The following GTF2E2 variants were observed in gnomAD, a reference collection of about 807,000 sequenced individuals.
GTF2E2 encodes the protein general transcription factor IIE subunit 2, also known as transcription initiation factor IIE subunit beta.
In GTF2E2, 21 loss-of-function variants were observed where a neutral mutation model predicts 40.5. The ratio of observed to expected loss-of-function variants is 0.52; its 90% CI spans 0.37 to 0.75. The LOEUF (loss-of-function observed/expected upper bound fraction) is 0.75. Among genes scored for constraint, GTF2E2 ranks in the 30% least tolerant of loss-of-function variants. The pLI is 0.00. For missense variants in GTF2E2, 298 were observed against 338.4 expected (o/e 0.88, Z 0.94); for synonymous variants, 117 against 121.6 (o/e 0.96, Z 0.25).
rs905871846 is a variant in GTF2E2, at chr8:30,657,968, C to T, written c.-5+5G>A. ...CGCCCCACACCCGGCGGCCGCAGCC[C>T]CTACCTGAGTGAGAAGGGCAGCCTC... On this transcript the variant is annotated splice_donor_5th_base_variant and intron_variant, in intron 1 of 7. Coordinates refer to ENST00000355904, the MANE Select transcript of GTF2E2 (RefSeq NM_002095.6). 1 of 152,962 alleles carries T rather than the reference C, an allele frequency of 6.5e-6. No homozygotes were observed. The highest frequency in any genetic ancestry group is 1.5e-5 in the Non-Finnish European group (1 of 68,644). 9.5% of individuals were successfully genotyped at this position (152,962 alleles called of 1,614,324 possible).
intron 7 of GTF2E2, 91 bp downstream of exon 7, chr8:30,580,190 A>C (rs1034721042): frequency 1.9e-5 from 14 of 723,444 alleles, no homozygotes; most frequent in Non-Finnish European, 2.9e-5. Flanking sequence ...ATGGCGGGGG[A>C]ACAACTCCCA....
chr8:30,624,559 G>C (rs1455349966), intron 3 of GTF2E2, among the ~76,000 whole-genome samples: 1 of 152,086 alleles, frequency 6.6e-6, no homozygotes, highest in Non-Finnish European at 1.5e-5. Context: ...AAAGTCATTG[G>C]TAGCTTGATG....
At chr8:30,605,000 G>C (rs1011653008) in intron 6 of GTF2E2, among the ~76,000 whole-genome samples, 1 of 152,172 alleles carries the variant, frequency 6.6e-6, no homozygotes, top group South Asian at 2.1e-4. Context: ...CAGATTACAA[G>C]AACATCTGGG....
chr8:30,655,084 C>T (rs1250266717), intron 1 of GTF2E2, among the ~76,000 whole-genome samples: 1 of 151,764 alleles, frequency 6.6e-6, no homozygotes, highest in East Asian at 1.9e-4. Flanking sequence ...ACGTGTAGTC[C>T]GGGCTACTCA....
chr8:30,656,902 G>C (rs568587595), intron 1 of GTF2E2: 2 of 151,656 alleles, frequency 1.3e-5, no homozygotes, highest in South Asian at 4.2e-4. Context: ...GGAGCAAACA[G>C]GTATTAGTGT....
chr8:30,635,985 G>C (rs1382624766), intron 2 of GTF2E2, among the ~76,000 whole-genome samples: 2 of 152,164 alleles, frequency 1.3e-5, no homozygotes, highest in African/African-American at 4.8e-5. Flanking sequence ...CACTGCCACT[G>C]CATGAACATG....
Position 30,581,185 on chromosome 8 carries a change from G to A in GTF2E2, c.644-789C>T, listed in dbSNP as rs140936666. 2.1e-3 allele frequency among the ~76,000 whole-genome samples: 313 copies of A among 152,108 alleles called. 3 individuals carry two copies. The highest frequency in any genetic ancestry group is 6.8e-3 in the African/African-American group (281 of 41,494). On this transcript the variant is annotated intron_variant, in intron 6 of 7. Transcript: ENST00000355904. ...TCCTAAGACTTACACGCTCAGGAAC[G>A]AAAAAAGGAAAAGCTCTCTGAGCCC...
chr8:30,614,285 T>G (rs1585966016), intron 4 of GTF2E2, among the ~76,000 whole-genome samples: 1 of 152,176 alleles, frequency 6.6e-6, no homozygotes, highest in African/African-American at 2.4e-5. Context: ...TTTCACCATA[T>G]TAAAACATTC....
At chr8:30,626,883 T>C (rs1249415604) in intron 3 of GTF2E2, among the ~76,000 whole-genome samples, 4 of 152,198 alleles carry the variant, frequency 2.6e-5, no homozygotes, top group Admixed American at 6.5e-5. Context: ...ATCACTGAAA[T>C]AGAAATCACA....
chr8:30,634,311 G>A (rs1801519818), intron 3 of GTF2E2, among the ~76,000 whole-genome samples: 1 of 152,094 alleles, frequency 6.6e-6, no homozygotes, highest in Admixed American at 6.5e-5. Flanking sequence ...AGCCAGGCAT[G>A]GTGGTGCATG....
At position 30,611,263 on chromosome 8, in the gene GTF2E2, C is replaced by T. The variant is rs1829467062; in HGVS notation, c.549+1036G>A. On this transcript the variant is annotated intron_variant, in intron 5 of 7. Transcript: ENST00000355904. ...TGTAACAGAATCCTGAGTCTTTACACATATTAATATAATCCACAAGGTCTA... is the reference window on the plus strand; with the variant it reads ...TGTAACAGAATCCTGAGTCTTTACATATATTAATATAATCCACAAGGTCTA... Among the ~76,000 whole-genome samples the T allele has an allele frequency of 2.0e-5, 3 of 152,174 alleles. No homozygotes were observed. The South Asian group carries it at 6.2e-4, about 32-fold the overall frequency.
At chr8:30,640,785 A>G (rs1454750643) in intron 2 of GTF2E2, among the ~76,000 whole-genome samples, 1 of 152,120 alleles carries the variant, frequency 6.6e-6, no homozygotes, top group African/African-American at 2.4e-5. Flanking sequence ...GCTCACTGCA[A>G]CCTCTGCCGC....
Position 30,645,252 on chromosome 8 carries a change from C to T in GTF2E2, c.166+8181G>A, listed in dbSNP as rs1011234680. On this transcript the variant is annotated intron_variant, in intron 2 of 7. Coordinates refer to ENST00000355904, the MANE Select transcript of GTF2E2 (RefSeq NM_002095.6). Reference sequence around the variant, plus strand: ...GAATTAACAGATCTGTAGTTTGCTACATAAATTCATTTTCTACCTTTTTTA... The same window carrying T: ...GAATTAACAGATCTGTAGTTTGCTATATAAATTCATTTTCTACCTTTTTTA... 2.4e-5 allele frequency: 35 copies of T among 1,465,612 alleles called. No individual in the cohort carries two copies. In the Admixed American group the frequency reaches 3.6e-4, roughly 15 times the overall value. 90.8% of individuals were successfully genotyped at this position (1,465,612 alleles called of 1,614,324 possible).
intron 6 of GTF2E2, among the ~76,000 whole-genome samples, chr8:30,592,768 T>C (rs909384662): frequency 6.6e-6 from 1 of 152,252 alleles, no homozygotes; most frequent in Non-Finnish European, 1.5e-5. Context: ...TTTCAGTCTA[T>C]AGTTGGTTGA....
intron 6 of GTF2E2, chr8:30,596,807 A>T (rs1176956690): frequency 6.6e-6 from 1 of 152,196 alleles, no homozygotes; most frequent in Admixed American, 6.5e-5. Flanking sequence ...TAGTGTGTGG[A>T]GGTTGAGTCA....
chr8:30,655,317 C>A (rs144132972), intron 1 of GTF2E2, among the ~76,000 whole-genome samples: 1 of 152,176 alleles, frequency 6.6e-6, no homozygotes, highest in Non-Finnish European at 1.5e-5. Flanking sequence ...AATTTCACTA[C>A]AACCAGGGAA....
chr8:30,608,517 T>C (rs1057342993), intron 5 of GTF2E2, among the ~76,000 whole-genome samples: 1 of 152,228 alleles, frequency 6.6e-6, no homozygotes, highest in Non-Finnish European at 1.5e-5. Flanking sequence ...CTTACTTATG[T>C]AAATTATTCA....
Position 30,582,914 on chromosome 8 carries a change from G to A in GTF2E2, c.644-2518C>T, listed in dbSNP as rs80028869. On this transcript the variant is annotated intron_variant, in intron 6 of 7. Transcript: ENST00000355904. ...GATATTTTCAGACTATATAAATACC[G>A]TTTCTCATATTATCACTAATTTTAT... Among the ~76,000 whole-genome samples the A allele has an allele frequency of 1.9e-4, 29 of 152,246 alleles. No homozygotes were observed. In the East Asian group the frequency reaches 5.0e-3, roughly 26 times the overall value.
intron 2 of GTF2E2, among the ~76,000 whole-genome samples, chr8:30,636,320 AG>A (rs1449047844): frequency 6.6e-6 from 1 of 152,242 alleles, no homozygotes; most frequent in Non-Finnish European, 1.5e-5. Context: ...GTTAAGTAAA[AG>A]GGGAGAGGAG....
Sources: gnomAD v4.1 joint callset for allele counts (sites outside exome capture counted in the v4.1 genomes callset) on GRCh38, gnomAD v4.1.1 for gene constraint, MANE v1.5 for transcripts, NCBI Gene and HGNC (gene_info 2026-07-23, HGNC 2026-07-21) for gene names.